GABRB3: variants seen among roughly 807,000 people sequenced by gnomAD.
The protein encoded by GABRB3 is gamma-aminobutyric acid receptor subunit beta-3.
Under a neutral mutation model 52.1 loss-of-function variants are expected in GABRB3, and 14 were observed. That is an observed-to-expected ratio of 0.27 (90% CI 0.18 to 0.42). The LOEUF (loss-of-function observed/expected upper bound fraction) is 0.42. Ranked by LOEUF, GABRB3 falls within the 10% of genes least tolerant of loss-of-function variation. The pLI, the probability that GABRB3 is intolerant of heterozygous loss-of-function variation, is 1.00. For synonymous variants in GABRB3, 260 were observed against 232.3 expected (o/e 1.12, Z -1.08); for missense variants, 307 against 609.1 (o/e 0.50, Z 5.22).
intron 3 of GABRB3, among the ~76,000 whole-genome samples, chr15:26,641,007 C>T (rs7173713): frequency 0.19 from 29,400 of 152,160 alleles, 3,779 homozygotes; most frequent in African/African-American, 0.37. Flanking sequence ...TTAAAATGTA[C>T]AGGATGTGAT....
At chr15:26,667,973 C>T (rs1263205288) in intron 3 of GABRB3, among the ~76,000 whole-genome samples, 2 of 152,108 alleles carry the variant, frequency 1.3e-5, no homozygotes, top group Non-Finnish European at 2.9e-5. Flanking sequence ...ACAATCAAAA[C>T]GAGGTTTGAG....
At chr15:26,549,381 T>G (rs1325813555) in intron 8 of GABRB3, among the ~76,000 whole-genome samples, 2 of 152,106 alleles carry the variant, frequency 1.3e-5, no homozygotes, top group Non-Finnish European at 2.9e-5. Flanking sequence ...CAGGAAGGGC[T>G]GCACACATCC....
rs916479290 is a variant in GABRB3, at chr15:26,737,458, C to T, written c.240+34944G>A. 2.6e-5 allele frequency among the ~76,000 whole-genome samples: 4 copies of T among 152,144 alleles called. No homozygotes were observed. In the South Asian group the frequency reaches 6.2e-4, roughly 24 times the overall value. On this transcript the variant is annotated intron_variant, in intron 3 of 8. Coordinates refer to ENST00000311550, the MANE Select transcript of GABRB3 (RefSeq NM_000814.6). ...CTTCCTGTCAGTCCTCAGGCCCCTG[C>T]TATGTGTATGTGCTCAATGAATGTC...
intron 3 of GABRB3, among the ~76,000 whole-genome samples, chr15:26,661,667 G>A (rs567114715): frequency 3.1e-4 from 47 of 152,224 alleles, no homozygotes; most frequent in African/African-American, 1.1e-3. Context: ...AATGCATATG[G>A]GATGCAGAGA....
chr15:26,548,155 C>T, intron 8 of GABRB3, 21 bp from the exon 9 acceptor site: 1 of 1,578,156 alleles, frequency 6.3e-7, no homozygotes, highest in Non-Finnish European at 8.7e-7. Context: ...GGAAAATGCA[C>T]ATGGTTAGAC....
chr15:26,607,626 G>C (rs1254384836), intron 4 of GABRB3, among the ~76,000 whole-genome samples: 2 of 151,354 alleles, frequency 1.3e-5, no homozygotes, highest in African/African-American at 4.9e-5. Flanking sequence ...TTAAGTTACG[G>C]GATATAAAAA....
chr15:26,733,273 C>T (rs1889982840), intron 3 of GABRB3, among the ~76,000 whole-genome samples: 1 of 152,112 alleles, frequency 6.6e-6, no homozygotes, highest in Admixed American at 6.6e-5. Flanking sequence ...CACATACACA[C>T]ACACAAATTG....
intron 3 of GABRB3, among the ~76,000 whole-genome samples, chr15:26,727,029 T>C (rs1889791793): frequency 6.6e-6 from 1 of 152,056 alleles, no homozygotes; most frequent in Non-Finnish European, 1.5e-5. Flanking sequence ...TGTGATCACA[T>C]GCACCTGTAA....
chr15:26,568,684 G>GGGTTTTT (rs1555402038), intron 6 of GABRB3, among the ~76,000 whole-genome samples: 1 of 133,670 alleles, frequency 7.5e-6, no homozygotes, highest in Non-Finnish European at 1.6e-5. Flanking sequence ...TTTTTTTTTG[G>GGGTTTTT]TTTTGTATGT....
At chr15:26,627,197 A>C (rs1892731884) in intron 3 of GABRB3, among the ~76,000 whole-genome samples, 1 of 150,322 alleles carries the variant, frequency 6.7e-6, no homozygotes. Context: ...CCCACAGTTG[A>C]GACCTTCTGC....
At chr15:26,725,490 T>C (rs1343651900) in intron 3 of GABRB3, among the ~76,000 whole-genome samples, 1 of 152,238 alleles carries the variant, frequency 6.6e-6, no homozygotes, top group East Asian at 1.9e-4. Context: ...TGTTACTTGC[T>C]ATGAACCTTG....
At chr15:26,583,300 GA>G in intron 5 of GABRB3, 31 bp downstream of exon 5, 1 of 1,529,926 alleles carries the variant, frequency 6.5e-7, no homozygotes. Flanking sequence ...GTACAAATAG[GA>G]GGAGAAAGAA....
chr15:26,650,832 T>C (rs1887173649), intron 3 of GABRB3, among the ~76,000 whole-genome samples: 1 of 152,062 alleles, frequency 6.6e-6, no homozygotes, highest in South Asian at 2.1e-4. Context: ...GATGGGGAGA[T>C]GGTTGGACTT....
chr15:26,690,027 A>T (rs1888535245), intron 3 of GABRB3, among the ~76,000 whole-genome samples: 1 of 151,840 alleles, frequency 6.6e-6, no homozygotes, highest in South Asian at 2.1e-4. Context: ...TCTAAAATAC[A>T]TCTAAAATAG....
intron 3 of GABRB3, among the ~76,000 whole-genome samples, chr15:26,737,855 T>C (rs1461635231): frequency 1.3e-5 from 2 of 152,294 alleles, no homozygotes; most frequent in East Asian, 3.9e-4. Context: ...AAGACATGAA[T>C]TTTTATTGCT....
intron 3 of GABRB3, among the ~76,000 whole-genome samples, chr15:26,708,342 A>C (rs907086834): frequency 2.0e-5 from 3 of 152,310 alleles, no homozygotes; most frequent in Non-Finnish European, 2.9e-5. Flanking sequence ...ACCAACTACT[A>C]TTCAGCTCAC....
Position 26,555,163 on chromosome 15 carries a change from G to A in GABRB3, c.1080+5769C>T, listed in dbSNP as rs567209036. ...CGCGCCACTGCACTCCAGCCTGGGCGACAGAGCGAGACTCCGTCATAAAAA... is the reference window on the plus strand; with the variant it reads ...CGCGCCACTGCACTCCAGCCTGGGCAACAGAGCGAGACTCCGTCATAAAAA... On this transcript the variant is annotated intron_variant, in intron 8 of 8. Coordinates refer to ENST00000311550, the MANE Select transcript of GABRB3 (RefSeq NM_000814.6). Among the ~76,000 whole-genome samples the A allele has an allele frequency of 1.5e-4, 23 of 152,214 alleles. No individual in the cohort carries two copies. The East Asian group carries it at 4.3e-3, about 28-fold the overall frequency.
At chr15:26,713,907 C>T (rs967635301) in intron 3 of GABRB3, among the ~76,000 whole-genome samples, 3 of 152,310 alleles carry the variant, frequency 2.0e-5, no homozygotes, top group African/African-American at 7.2e-5. Context: ...GGATCAGAGA[C>T]GGCTGGTGGA....
At chr15:26,602,792 G>T (rs993342041) in intron 4 of GABRB3, among the ~76,000 whole-genome samples, 1 of 151,964 alleles carries the variant, frequency 6.6e-6, no homozygotes, top group East Asian at 1.9e-4. Flanking sequence ...ATTTATAGCT[G>T]TAAGTGTCTA....
Sources: allele counts gnomAD v4.1 joint callset (sites outside exome capture counted in the v4.1 genomes callset), GRCh38; gene constraint gnomAD v4.1.1; transcripts MANE v1.5; gene names NCBI Gene and HGNC (gene_info 2026-07-23, HGNC 2026-07-21).